The following SLC2A11 variants were observed in gnomAD, a reference collection of about 807,000 sequenced individuals.
SLC2A11 encodes the protein solute carrier family 2 member 11.
In SLC2A11, 43 loss-of-function variants were observed where a neutral mutation model predicts 52.1. That is an observed-to-expected ratio of 0.82 (90% CI 0.65 to 1.06). The LOEUF is 1.06. Among genes scored for constraint, SLC2A11 ranks in the 50% least tolerant of loss-of-function variants. The pLI is 0.00. For synonymous variants in SLC2A11, 261 were observed against 277.6 expected (o/e 0.94, Z 0.59); for missense variants, 582 against 654.2 (o/e 0.89, Z 1.20).
chr22:23,857,071 TGTGG>T (rs1346640288), upstream of SLC2A11: 295 of 300,678 alleles, frequency 9.8e-4, no homozygotes, highest in Non-Finnish European at 1.1e-3. Flanking sequence ...AGTGTGTGTG[TGTGG>T]GGGGGGGGGG....
At chr22:23,870,175 G>A (rs1370777705) in intron 3 of SLC2A11, 2 of 615,696 alleles carry the variant, frequency 3.2e-6, no homozygotes, top group Admixed American at 2.8e-5. Flanking sequence ...AACAAAAGTG[G>A]GGCTCTTCCC....
rs574818184 is a variant in SLC2A11, at chr22:23,884,266, T to C, written c.1172-36T>C. ...TCGGGGAGAGGCAGGCAGGGAACCC[T>C]GGCCAGCAGCCCCCTGTCCCTGCCC... On this transcript the variant is annotated intron_variant, in intron 10 of 11. Coordinates refer to ENST00000316185, the MANE Select transcript of SLC2A11 (RefSeq NM_001024939.4). This position sits in a 1 kb window ranked among gnomAD's most constrained non-coding sequence, Gnocchi z 4.3. 3,103 of 1,594,290 alleles carry C rather than the reference T, an allele frequency of 1.9e-3. 73 individuals carry two copies. The South Asian group carries it at 0.033, about 17-fold the overall frequency.
chr22:23,858,712 T>TA (rs765190963), intron 1 of SLC2A11, among the ~76,000 whole-genome samples: 1 of 152,074 alleles, frequency 6.6e-6, no homozygotes, highest in Non-Finnish European at 1.5e-5. Flanking sequence ...AAAATAAAAA[T>TA]AAAATAAAAT....
In SLC2A11 at chr22:23,858,031, T is replaced by A. The variant is rs1164142433; in HGVS notation, c.30+2T>A. The A allele has an allele frequency of 1.3e-6, 2 of 1,563,722 alleles. No homozygotes were observed. The highest frequency in any genetic ancestry group is 1.7e-6 in the Non-Finnish European group (2 of 1,153,808). ...CACGCCCTCCTGCGATCTAGAATGG[T>A]ATGAATTCTCATACTTGCCCAGACC... is the stretch of plus-strand genomic sequence containing the variant. On this transcript the variant is annotated splice_donor_variant, in intron 1 of 11. Coordinates refer to ENST00000316185, the MANE Select transcript of SLC2A11 (RefSeq NM_001024939.4). LOFTEE classifies it high-confidence loss of function.
intron 2 of SLC2A11, among the ~76,000 whole-genome samples, chr22:23,864,840 G>A (rs1364316915): frequency 6.6e-6 from 1 of 152,112 alleles, no homozygotes; most frequent in African/African-American, 2.4e-5. Flanking sequence ...GGGCGTGGTG[G>A]CTCATGCCTG....
intron 2 of SLC2A11, among the ~76,000 whole-genome samples, chr22:23,865,050 T>C (rs979995982): frequency 3.5e-5 from 5 of 140,946 alleles, no homozygotes; most frequent in Admixed American, 8.0e-5. Context: ...GAAGTTGCAG[T>C]GAGCTGAGAT....
chr22:23,873,591 A>C (rs963607478), intron 3 of SLC2A11, among the ~76,000 whole-genome samples: 6 of 152,086 alleles, frequency 3.9e-5, no homozygotes, highest in Non-Finnish European at 5.9e-5. Context: ...TATAGGCGTG[A>C]GCTGCTGCAC....
rs745440632 is a variant in SLC2A11 at position 23,884,840 on chromosome 22, A to G, written c.1491A>G (p.Thr497=). Residue 497 remains threonine (T), a synonymous_variant, in exon 12 of 12, where the codon ACA becomes ACG. Coordinates refer to ENST00000316185, the MANE Select transcript of SLC2A11 (RefSeq NM_001024939.4). The surrounding 1 kb of genome is among the most constrained non-coding windows in gnomAD (Gnocchi z 4.3). ...TWRSLEVIQS[T]EL is the part of the protein sequence containing the mutation. ...GGAGCCTGGAGGTTATCCAGTCAAC[A>G]GAACTCTAGTCCCAAAGGGGTGGCC... 6.2e-7 allele frequency: 1 copy of G among 1,614,010 alleles called. No homozygotes were observed.
In SLC2A11 at chr22:23,870,052, G is replaced by GA. The variant is rs774742408; in HGVS notation, c.290+1413dup. 4.2e-5 allele frequency: 30 copies of GA among 717,432 alleles called. No individual in the cohort carries two copies. In the African/African-American group the frequency reaches 4.5e-4, roughly 11 times the overall value. 44.4% of individuals were successfully genotyped at this position (717,432 alleles called of 1,614,324 possible). A position where few individuals can be genotyped will look rare whatever the true frequency, so the allele number is the denominator to read the frequency against. ...TGCATTGGAAATTAAATTTCAACCTGAATTTTGGAAGAGACACAAACCTTC... is the reference window on the plus strand; with the variant it reads ...TGCATTGGAAATTAAATTTCAACCTGAAATTTTGGAAGAGACACAAACCTTC... On this transcript the variant is annotated intron_variant, in intron 3 of 11. Transcript: ENST00000316185.
At chr22:23,861,134 T>C (rs530060759) in intron 1 of SLC2A11, among the ~76,000 whole-genome samples, 2 of 151,000 alleles carry the variant, frequency 1.3e-5, no homozygotes, top group South Asian at 4.2e-4. Flanking sequence ...CATGAGCCAC[T>C]GCGCCCGGCC....
intron 1 of SLC2A11, among the ~76,000 whole-genome samples, chr22:23,861,567 T>G (rs1462406842): frequency 6.6e-6 from 1 of 152,224 alleles, no homozygotes; most frequent in East Asian, 1.9e-4. Context: ...CTACTACTCA[T>G]ATGTCCCCAA....
upstream of SLC2A11, chr22:23,857,748 G>A (rs1008057679): frequency 2.2e-6 from 3 of 1,339,250 alleles, no homozygotes; most frequent in Admixed American, 2.7e-5. Flanking sequence ...CCTTAGTCCC[G>A]GCCATCGTTT....
chr22:23,864,717 C>T (rs1017229218), intron 2 of SLC2A11, among the ~76,000 whole-genome samples: 2 of 152,216 alleles, frequency 1.3e-5, no homozygotes, highest in Non-Finnish European at 2.9e-5. Context: ...CAGACCTTAC[C>T]TCCCACAGCC....
chr22:23,880,787 C>T (rs900714891), intron 6 of SLC2A11: 3 of 152,026 alleles, frequency 2.0e-5, no homozygotes, highest in African/African-American at 7.2e-5. Context: ...ATTTTGTTGC[C>T]TCTGAATTCT....
Position 23,882,495 on chromosome 22 carries a change from GGGAGCTGGA to G in SLC2A11, c.745_753del (p.Leu249_Glu251del), listed in dbSNP as rs899746379. On this transcript the variant is annotated inframe_deletion, in exon 7 of 12. Coordinates refer to ENST00000316185, the MANE Select transcript of SLC2A11 (RefSeq NM_001024939.4). The stretch of plus-strand genomic sequence containing the variant: ...CTCCGGGGCTCCGGGGACTTGGCAG[GGGAGCTGGA>G]GGAGCTGGAGGAGGAGCGCGCTGCC... 16 of 1,569,536 alleles carry G rather than the reference GGGAGCTGGA, an allele frequency of 1.0e-5. No individual in the cohort carries two copies. Among genetic ancestry groups the G allele is most frequent in the South Asian group, 4.6e-5 (4 of 86,274 alleles).
At chr22:23,866,213 A>G (rs2032260387) in intron 2 of SLC2A11, 1 of 151,442 alleles carries the variant, frequency 6.6e-6, no homozygotes, top group African/African-American at 2.4e-5. Flanking sequence ...AGCTTAGAAA[A>G]CTCTGAGGAG....
chr22:23,858,136 A>G (rs1289710576), intron 1 of SLC2A11, 107 bp downstream of exon 1: 1 of 1,432,728 alleles, frequency 7.0e-7, no homozygotes, highest in East Asian at 2.5e-5. Context: ...AAGTCGTCAA[A>G]TGTTCAAAAA....
At chr22:23,859,950 A>AT (rs968527276) in intron 1 of SLC2A11, among the ~76,000 whole-genome samples, 5 of 152,222 alleles carry the variant, frequency 3.3e-5, no homozygotes, top group Admixed American at 6.5e-5. Flanking sequence ...GAAAGGCAGT[A>AT]TTTTTTGGGG....
rs370396623 is a variant in SLC2A11 at position 23,882,511 on chromosome 22, G to A, written c.747G>A (p.Leu249=). Residue 249 remains leucine (L), a synonymous_variant, in exon 7 of 12, where the codon CTG becomes CTA. Transcript: ENST00000316185. ...ACTTGGCAGGGGAGCTGGAGGAGCTGGAGGAGGAGCGCGCTGCCTGCCAGG... is the reference window on the plus strand; with the variant it reads ...ACTTGGCAGGGGAGCTGGAGGAGCTAGAGGAGGAGCGCGCTGCCTGCCAGG... ...SGDLAGELEE[L]EEERAACQGC... 13 of 1,584,306 alleles carry A rather than the reference G, an allele frequency of 8.2e-6. No individual in the cohort carries two copies. Among genetic ancestry groups the A allele is most frequent in the South Asian group, 4.6e-5 (4 of 87,704 alleles).
Sources: gnomAD v4.1 joint callset for allele counts (sites outside exome capture counted in the v4.1 genomes callset) on GRCh38, gnomAD v4.1.1 for gene constraint, Gnocchi (gnomAD v3.1) non-coding constraint, MANE v1.5 for transcripts, NCBI Gene and HGNC (gene_info 2026-07-23, HGNC 2026-07-21) for gene names.